Variants in LCLAT1 observed in about 807,000 individuals in gnomAD.
LCLAT1 encodes the protein lysocardiolipin acyltransferase 1.
A neutral mutation model predicts 30.7 loss-of-function variants in LCLAT1; 11 were observed. That is an observed-to-expected ratio of 0.36 (90% CI 0.23 to 0.59). The LOEUF (loss-of-function observed/expected upper bound fraction) is 0.59, where lower values mean the gene tolerates loss of function less well. LCLAT1 is among the 20% of genes least tolerant of loss of function. LCLAT1 has a pLI of 0.77. For missense variants in LCLAT1, 402 were observed against 458.6 expected, an observed-to-expected ratio of 0.88 and a Z score of 1.13; for synonymous variants, 155 against 151.3, an observed-to-expected ratio of 1.02 and a Z score of -0.18.
At chr2:30,605,165 ATTAAGCAT>A (rs1667379322) in intron 5 of LCLAT1, among the ~76,000 whole-genome samples, 1 of 152,252 alleles carries the variant, frequency 6.6e-6, no homozygotes, top group African/African-American at 2.4e-5. Context: ...ACTATTGTAA[ATTAAGCAT>A]TTATAGTGCG....
chr2:30,462,018 C>G (rs182686880), intron 1 of LCLAT1, among the ~76,000 whole-genome samples: 150 of 151,894 alleles, frequency 9.9e-4, no homozygotes, highest in African/African-American at 3.6e-3. Context: ...GTGATCCGCC[C>G]GCCTCGGCCT....
chr2:30,625,451 A>G (rs1163285289), intron 5 of LCLAT1, among the ~76,000 whole-genome samples: 1 of 152,202 alleles, frequency 6.6e-6, no homozygotes, highest in Admixed American at 6.5e-5. Flanking sequence ...GTAACTTACC[A>G]GAGACCTTCT....
chr2:30,465,980 T>A (rs1016392694), intron 1 of LCLAT1, among the ~76,000 whole-genome samples: 18 of 116,234 alleles, frequency 1.5e-4, no homozygotes, highest in African/African-American at 5.2e-4. Context: ...TTTTTCTGAT[T>A]TTTTTTACTG....
intron 5 of LCLAT1, among the ~76,000 whole-genome samples, chr2:30,599,552 G>C (rs1321329909): frequency 2.0e-5 from 3 of 151,994 alleles, no homozygotes; most frequent in African/African-American, 7.2e-5. Context: ...ATCTGTCAGG[G>C]GTGTTAAAGT....
chr2:30,601,900 T>A (rs1031180415), intron 5 of LCLAT1, among the ~76,000 whole-genome samples: 1 of 115,266 alleles, frequency 8.7e-6, no homozygotes, highest in Non-Finnish European at 1.9e-5. Context: ...TCTATAGATA[T>A]ATATATAATG....
chr2:30,454,140 A>T (rs1221334130), intron 1 of LCLAT1, among the ~76,000 whole-genome samples: 1 of 152,234 alleles, frequency 6.6e-6, no homozygotes, highest in East Asian at 1.9e-4. Context: ...GTTTCTGAAT[A>T]TCCATGCTGA....
intron 4 of LCLAT1, among the ~76,000 whole-genome samples, chr2:30,563,994 G>T (rs1346593950): frequency 1.3e-5 from 2 of 152,066 alleles, no homozygotes; most frequent in Admixed American, 6.6e-5. Flanking sequence ...GTATATTTTT[G>T]ATTTTTTACA....
At chr2:30,622,675 C>T (rs1486196642) in intron 5 of LCLAT1, among the ~76,000 whole-genome samples, 4 of 152,130 alleles carry the variant, frequency 2.6e-5, no homozygotes, top group African/African-American at 7.2e-5. Flanking sequence ...CTGGTAGCTC[C>T]GCTGGTTGGC....
At chr2:30,578,826 C>T (rs187975827) in intron 5 of LCLAT1, among the ~76,000 whole-genome samples, 2 of 152,126 alleles carry the variant, frequency 1.3e-5, no homozygotes, top group East Asian at 3.9e-4. Context: ...CACTTTTTTT[C>T]TAGCTTATAA....
intron 1 of LCLAT1, among the ~76,000 whole-genome samples, chr2:30,450,393 T>C (rs1268983016): frequency 6.6e-6 from 1 of 150,610 alleles, no homozygotes; most frequent in African/African-American, 2.4e-5. Context: ...TAGAGCCAGG[T>C]TGTGAACTCT....
intron 1 of LCLAT1, among the ~76,000 whole-genome samples, chr2:30,514,272 C>A (rs962873890): frequency 2.6e-5 from 4 of 152,180 alleles, no homozygotes; most frequent in Admixed American, 2.6e-4. Flanking sequence ...ATAACAAGGT[C>A]CTTTTGAACC....
intron 2 of LCLAT1, among the ~76,000 whole-genome samples, chr2:30,528,624 C>A (rs780923756): frequency 6.6e-6 from 1 of 152,146 alleles, no homozygotes; most frequent in Non-Finnish European, 1.5e-5. Context: ...CTGAGCTGGA[C>A]TTACTGATAG....
chr2:30,600,351 T>C (rs1162558775), intron 5 of LCLAT1, among the ~76,000 whole-genome samples: 1 of 152,152 alleles, frequency 6.6e-6, no homozygotes, highest in Admixed American at 6.6e-5. Flanking sequence ...TACTAGAATC[T>C]TGAACACAGC....
At chr2:30,556,158 TG>T (rs1164433369) in intron 3 of LCLAT1, among the ~76,000 whole-genome samples, 1 of 152,144 alleles carries the variant, frequency 6.6e-6, no homozygotes, top group African/African-American at 2.4e-5. Context: ...CTATCTCTGT[TG>T]TACCTATTTC....
intron 5 of LCLAT1, among the ~76,000 whole-genome samples, chr2:30,591,236 C>T (rs1247105287): frequency 1.3e-5 from 2 of 152,170 alleles, no homozygotes; most frequent in African/African-American, 4.8e-5. Context: ...TAGTGATCAA[C>T]TTGCTAAACT....
intron 1 of LCLAT1, among the ~76,000 whole-genome samples, chr2:30,502,293 A>G (rs1043624834): frequency 2.6e-5 from 4 of 152,136 alleles, no homozygotes; most frequent in Admixed American, 1.3e-4. Flanking sequence ...TTTGGCATTC[A>G]TGACTTCCAG....
intron 1 of LCLAT1, among the ~76,000 whole-genome samples, chr2:30,459,174 G>T (rs1390058918): frequency 6.6e-6 from 1 of 152,270 alleles, no homozygotes; most frequent in East Asian, 1.9e-4. Flanking sequence ...AAGTGTGGGG[G>T]AAAGGAGCTG....
At chr2:30,590,250 T>A (rs952487891) in intron 5 of LCLAT1, among the ~76,000 whole-genome samples, 2 of 151,982 alleles carry the variant, frequency 1.3e-5, no homozygotes, top group African/African-American at 4.8e-5. Flanking sequence ...AAATATCACT[T>A]AAAAATAATT....
At chr2:30,539,536 A>G (rs1036382232) in intron 3 of LCLAT1, among the ~76,000 whole-genome samples, 3 of 152,112 alleles carry the variant, frequency 2.0e-5, no homozygotes, top group African/African-American at 4.8e-5. Flanking sequence ...TGGCTGGTCT[A>G]TCTTCAACTT....
Sources: allele counts gnomAD v4.1 joint callset (sites outside exome capture counted in the v4.1 genomes callset), GRCh38; gene constraint gnomAD v4.1.1; transcripts MANE v1.5; gene names NCBI Gene and HGNC (gene_info 2026-07-23, HGNC 2026-07-21).